The following CDC42SE2 variants were observed in gnomAD, a reference collection of about 807,000 sequenced individuals.
The protein encoded by CDC42SE2 is CDC42 small effector protein 2.
CDC42SE2 carries 3 observed loss-of-function variants against 11.5 expected under a neutral mutation model. The observed-to-expected ratio is 0.26, with a 90% CI of 0.12 to 0.67. The LOEUF is 0.67. Among genes scored for constraint, CDC42SE2 ranks in the 30% least tolerant of loss-of-function variants. The probability of loss-of-function intolerance (pLI) is 0.80; values close to 1 mark genes in which losing one functional copy is unlikely to be tolerated. For synonymous variants in CDC42SE2, 33 were observed against 34.8 expected (o/e 0.95, Z 0.18); for missense variants, 82 against 106.8 (o/e 0.77, Z 1.02).
intron 1 of CDC42SE2, among the ~76,000 whole-genome samples, chr5:131,300,190 A>G (rs1757650747): frequency 6.6e-6 from 1 of 152,154 alleles, no homozygotes; most frequent in South Asian, 2.1e-4. Flanking sequence ...GGAATTTGAG[A>G]AAAATAAGAT....
chr5:131,253,145 G>A (rs1239591410), intron 1 of CDC42SE2: 1 of 152,180 alleles, frequency 6.6e-6, no homozygotes, highest in East Asian at 1.9e-4. Flanking sequence ...GCTGGTCTGA[G>A]AGCAAGGTCA....
intron 1 of CDC42SE2, among the ~76,000 whole-genome samples, chr5:131,267,216 G>C (rs532026816): frequency 6.6e-6 from 1 of 151,696 alleles, no homozygotes; most frequent in African/African-American, 2.4e-5. Flanking sequence ...CACCACACCC[G>C]GCTAATTTTT....
intron 1 of CDC42SE2, among the ~76,000 whole-genome samples, chr5:131,252,848 C>T (rs995927290): frequency 5.9e-5 from 9 of 152,208 alleles, no homozygotes; most frequent in Non-Finnish European, 8.8e-5. Context: ...TCAACTTTCC[C>T]TCCATTCTCG....
At chr5:131,332,217 G>C (rs893290541) in intron 2 of CDC42SE2, among the ~76,000 whole-genome samples, 8 of 152,098 alleles carry the variant, frequency 5.3e-5, no homozygotes, top group Non-Finnish European at 1.0e-4. Context: ...AACATGCGGT[G>C]TTTGGTTTTT....
intron 3 of CDC42SE2, among the ~76,000 whole-genome samples, chr5:131,375,873 T>A (rs1028207160): frequency 6.6e-6 from 1 of 152,140 alleles, no homozygotes; most frequent in Non-Finnish European, 1.5e-5. Flanking sequence ...TTTTATCAAC[T>A]CAGATTACCA....
chr5:131,312,464 C>T (rs1398721219), intron 1 of CDC42SE2, among the ~76,000 whole-genome samples: 1 of 152,178 alleles, frequency 6.6e-6, no homozygotes, highest in Non-Finnish European at 1.5e-5. Context: ...GTGGTGGGCT[C>T]CACCCAGTTT....
chr5:131,217,507 A>G, the CDC42SE2 span, among the ~76,000 whole-genome samples: 1 of 152,250 alleles, frequency 6.6e-6, no homozygotes, highest in Non-Finnish European at 1.5e-5. Context: ...TTCAACAAAC[A>G]GTACTGAGTG....
Position 131,277,199 on chromosome 5 carries a change from G to A in CDC42SE2, c.-455+13033G>A, listed in dbSNP as rs560817444. 5.9e-5 allele frequency among the ~76,000 whole-genome samples: 9 copies of A among 152,248 alleles called. No individual in the cohort carries two copies. The East Asian group carries it at 1.7e-3, about 29-fold the overall frequency. On this transcript the variant is annotated intron_variant, in intron 1 of 4. Transcript: ENST00000505065. ...TTGACCTAGTTGAATTCATATGTTAGCATTTCACACATAACCATCTTGGAT... is the reference window on the plus strand; with the variant it reads ...TTGACCTAGTTGAATTCATATGTTAACATTTCACACATAACCATCTTGGAT...
intron 1 of CDC42SE2, among the ~76,000 whole-genome samples, chr5:131,288,417 ATCAGCCTATTGAGTAGTTTCAGT>A (rs1757385360): frequency 6.6e-6 from 1 of 152,242 alleles, no homozygotes. Context: ...TTCATGAAAT[ATCAGCCTATTGAGTAGTTTCAGT>A]ATGGTGAGTG....
chr5:131,249,108 C>T (rs1156726789), intron 1 of CDC42SE2, among the ~76,000 whole-genome samples: 1 of 148,416 alleles, frequency 6.7e-6, no homozygotes, highest in East Asian at 2.0e-4. Flanking sequence ...ACCTCTGCCT[C>T]CTGGGTTCAA....
At chr5:131,334,626 G>C (rs555184398) in intron 2 of CDC42SE2, among the ~76,000 whole-genome samples, 1 of 152,032 alleles carries the variant, frequency 6.6e-6, no homozygotes, top group African/African-American at 2.4e-5. Flanking sequence ...GCTATTAATT[G>C]TTGCCTCAAT....
rs1230922401 is a variant in CDC42SE2, at chr5:131,393,238, C to A, written c.*2147C>A. The A allele has an allele frequency of 2.6e-5, 4 of 152,296 alleles. No homozygotes were observed. In the East Asian group the frequency reaches 7.5e-4, roughly 29 times the overall value. 9.4% of individuals were successfully genotyped at this position (152,296 alleles called of 1,614,324 possible). A position where few individuals can be genotyped will look rare whatever the true frequency, so the allele number is the denominator to read the frequency against. ...TCACTTTATCTTCTGCCTTCATTTA[C>A]CTTAGTCCAAGATTCTTGCAAAACA... On this transcript the variant is annotated 3_prime_UTR_variant, in exon 5 of 5. Coordinates refer to ENST00000505065, the MANE Select transcript of CDC42SE2 (RefSeq NM_001375635.1).
intron 2 of CDC42SE2, among the ~76,000 whole-genome samples, chr5:131,321,503 C>A (rs1758185886): frequency 6.6e-6 from 1 of 152,042 alleles, no homozygotes; most frequent in Non-Finnish European, 1.5e-5. Flanking sequence ...TAAAATGGTA[C>A]TGATATTGCC....
intron 1 of CDC42SE2, among the ~76,000 whole-genome samples, chr5:131,298,953 T>G (rs548215243): frequency 6.6e-6 from 1 of 152,088 alleles, no homozygotes; most frequent in African/African-American, 2.4e-5. Context: ...CTGAATAGAC[T>G]TGGGGGATTG....
At chr5:131,260,368 A>T (rs1331907151), upstream of CDC42SE2, among the ~76,000 whole-genome samples, 1 of 152,214 alleles carries the variant, frequency 6.6e-6, no homozygotes, top group Admixed American at 6.5e-5. Context: ...CCCGCCTGTA[A>T]TCCCAGCGCT....
At chr5:131,239,965 A>G in the CDC42SE2 span, among the ~76,000 whole-genome samples, 2 of 152,172 alleles carry the variant, frequency 1.3e-5, no homozygotes, top group Non-Finnish European at 2.9e-5. Context: ...CCTGCTTTAG[A>G]AGGGTCAAGA....
At chr5:131,390,869 G>T in intron 4 of CDC42SE2, 124 bp from the exon 5 acceptor site, 1 of 478,234 alleles carries the variant, frequency 2.1e-6, no homozygotes, top group East Asian at 3.8e-5. Flanking sequence ...AAAAATTTTT[G>T]TCTATAAAAG....
At chr5:131,321,606 G>A (rs1160291317) in intron 2 of CDC42SE2, among the ~76,000 whole-genome samples, 2 of 152,132 alleles carry the variant, frequency 1.3e-5, no homozygotes, top group Non-Finnish European at 2.9e-5. Flanking sequence ...ATATATGCTG[G>A]TATATTCATA....
chr5:131,328,603 C>G (rs982191098), intron 2 of CDC42SE2, among the ~76,000 whole-genome samples: 3 of 152,114 alleles, frequency 2.0e-5, no homozygotes, highest in Non-Finnish European at 2.9e-5. Context: ...CTTATATCTT[C>G]CATTGACTTT....
Sources: allele counts gnomAD v4.1 joint callset (sites outside exome capture counted in the v4.1 genomes callset), GRCh38; gene constraint gnomAD v4.1.1; transcripts MANE v1.5; gene names NCBI Gene and HGNC (gene_info 2026-07-23, HGNC 2026-07-21).